The following BCAN variants were observed in gnomAD, a reference collection of about 807,000 sequenced individuals.
BCAN encodes brevican.
Under a neutral mutation model 92.4 loss-of-function variants are expected in BCAN, and 51 were observed. The ratio of observed to expected loss-of-function variants is 0.55; its 90% CI spans 0.44 to 0.70. The LOEUF (loss-of-function observed/expected upper bound fraction) is 0.70. Among genes scored for constraint, BCAN ranks in the 30% least tolerant of loss-of-function variants. The pLI is 0.00. For synonymous variants in BCAN, 501 were observed against 505.2 expected (o/e 0.99, Z 0.11); for missense variants, 1,140 against 1,212.1 (o/e 0.94, Z 0.88).
chr1:156,647,927 G>C lies in BCAN; in HGVS notation c.642-56G>C. 6.2e-7 allele frequency: 1 copy of C among 1,607,060 alleles called. No individual in the cohort carries two copies. The highest frequency in any genetic ancestry group is 8.5e-7 in the Non-Finnish European group (1 of 1,174,034). On this transcript the variant is annotated intron_variant, in intron 4 of 13. Coordinates refer to ENST00000329117, the MANE Select transcript of BCAN (RefSeq NM_021948.5). The surrounding 1 kb of genome is among the most constrained non-coding windows in gnomAD (Gnocchi z 4.8). ...CAGTGGGGTTCAATAGAATCAATAT[G>C]GGCTGGCTCCCTGGTGAAAGCATCT...
At chr1:156,646,778 C>T (rs771812293) in intron 2 of BCAN, 23 bp from the exon 3 acceptor site, 5 of 1,525,992 alleles carry the variant, frequency 3.3e-6, no homozygotes, top group Admixed American at 4.1e-5. Flanking sequence ...CGTTAAGTTC[C>T]AGCCGGCTCC....
At chr1:156,644,694 A>G (rs1281129879) in intron 1 of BCAN, 1 of 152,136 alleles carries the variant, frequency 6.6e-6, no homozygotes, top group Non-Finnish European at 1.5e-5. Flanking sequence ...AAAAGTAGGA[A>G]ATTTCCCATC....
rs139064894 is a variant in BCAN at position 156,652,495 on chromosome 1, G to A, written c.1545G>A (p.Leu515=). The change falls in exon 8 of 14, where the codon CTG becomes CTA. Residue 515 remains leucine, a synonymous_variant. Coordinates refer to ENST00000329117, the MANE Select transcript of BCAN (RefSeq NM_021948.5). ...SLSQAPARAV[L]QPGASPLPDG... Reference sequence around the variant, plus strand: ...CCCAGGCGCCAGCAAGGGCAGTCCTGCAGCCTGGTGCATCACCACTTCCTG... The same window carrying A: ...CCCAGGCGCCAGCAAGGGCAGTCCTACAGCCTGGTGCATCACCACTTCCTG... 4.7e-4 allele frequency: 763 copies of A among 1,608,676 alleles called. 5 individuals carry two copies. The highest frequency in any genetic ancestry group is 4.3e-3 in the South Asian group (390 of 90,246).
rs767727522 is a variant in BCAN, at chr1:156,648,025, G to C, written c.684G>C (p.Met228Ile). The C allele has an allele frequency of 6.2e-7, 1 of 1,614,044 alleles. No homozygotes were observed. Among genetic ancestry groups the C allele is most frequent in the Non-Finnish European group, 8.5e-7 (1 of 1,179,958 alleles). Residue 228 changes from methionine to isoleucine, a missense_variant, in exon 5 of 14, where the codon ATG becomes ATC. Transcript: ENST00000329117. Reference sequence around the variant, plus strand: ...CACGAGAGGCCTGTTACGGAGACATGGATGGCTTCCCCGGGGTCCGGAACT... The same window carrying C: ...CACGAGAGGCCTGTTACGGAGACATCGATGGCTTCCCCGGGGTCCGGAACT... ...QTPREACYGD[M>I]DGFPGVRNYG...
intron 8 of BCAN, among the ~76,000 whole-genome samples, chr1:156,654,788 A>C (rs1292328165): frequency 1.3e-5 from 2 of 152,172 alleles, no homozygotes; most frequent in Non-Finnish European, 2.9e-5. Flanking sequence ...CCTGGTGCTT[A>C]ATGGGTTAAA....
Position 156,658,030 on chromosome 1 carries a change from T to A in BCAN, c.2293-97T>A. Reference sequence around the variant, plus strand: ...CCCCTAGCCCTAACCTTCCCTCTCCTGGGGCCCCGCTCACCAGCCCTCCTC... The same window carrying A: ...CCCCTAGCCCTAACCTTCCCTCTCCAGGGGCCCCGCTCACCAGCCCTCCTC... On this transcript the variant is annotated intron_variant, in intron 11 of 13. Transcript: ENST00000329117. This position sits in a 1 kb window ranked among gnomAD's most constrained non-coding sequence, Gnocchi z 4.4. 6.9e-6 allele frequency: 10 copies of A among 1,452,606 alleles called. No homozygotes were observed. The highest frequency in any genetic ancestry group is 8.5e-6 in the Non-Finnish European group (9 of 1,065,078). 90.0% of individuals were successfully genotyped at this position (1,452,606 alleles called of 1,614,324 possible).
At position 156,658,667 on chromosome 1, in the gene BCAN, GCTGAT is replaced by G; in HGVS notation, c.2564_2568del (p.Leu855ProfsTer153). On this transcript the variant is annotated frameshift_variant, in exon 13 of 14. Coordinates refer to ENST00000329117, the MANE Select transcript of BCAN (RefSeq NM_021948.5). LOFTEE classifies it high-confidence loss of function. This position sits in a 1 kb window ranked among gnomAD's most constrained non-coding sequence, Gnocchi z 4.4. ...AAGGACTGGCCCAGCGCAATCTGCC[GCTGAT>G]CCGATGCCAAGAGAACGGTCGTTGG... is the stretch of plus-strand genomic sequence containing the variant. 1 of 1,614,154 alleles carries G rather than the reference GCTGAT, an allele frequency of 6.2e-7. No individual in the cohort carries two copies.
At chr1:156,643,409 T>C (rs1245648710) in intron 1 of BCAN, 1 of 152,234 alleles carries the variant, frequency 6.6e-6, no homozygotes, top group Non-Finnish European at 1.5e-5. Context: ...TAGGCTCATG[T>C]TGCTCCTCAT....
intron 8 of BCAN, among the ~76,000 whole-genome samples, chr1:156,654,323 C>G (rs563641970): frequency 3.8e-4 from 58 of 152,288 alleles, no homozygotes; most frequent in African/African-American, 1.3e-3. Flanking sequence ...CAGGCTTACC[C>G]ATGTCAACTG....
Position 156,648,824 on chromosome 1 carries a change from C to G in BCAN, c.1026C>G (p.Pro342=), listed in dbSNP as rs565723421. ...LFLFPNQTGF[P]NKHSRFNVYC... ...TCTTCCCCAACCAGACTGGCTTCCC[C>G]AATAAGCACAGCCGCTTCAACGTCT... The change falls in exon 6 of 14, where the codon CCC becomes CCG. Residue 342 remains proline (P), a synonymous_variant. Transcript: ENST00000329117. 6.3e-7 allele frequency: 1 copy of G among 1,585,032 alleles called. No individual in the cohort carries two copies. The highest frequency in any genetic ancestry group is 8.6e-7 in the Non-Finnish European group (1 of 1,157,914).
In BCAN at chr1:156,648,626, C is replaced by G; in HGVS notation, c.828C>G (p.Tyr276Ter). The change falls in exon 6 of 14, where the codon TAC (tyrosine) becomes TAG (stop). Residue 276 changes from tyrosine (Y) to a stop codon, truncating the protein, a stop_gained. Transcript: ENST00000329117. LOFTEE classifies it high-confidence loss of function. Reference protein sequence around the residue: ...EKLTLEEARAYCQERGAEIAT... With the variant: ...EKLTLEEARA ...TGACATTGGAGGAAGCACGGGCGTA[C>G]TGCCAGGAGCGGGGTGCAGAGATTG... 1 of 1,609,406 alleles carries G rather than the reference C, an allele frequency of 6.2e-7. No individual in the cohort carries two copies. Among genetic ancestry groups the G allele is most frequent in the Non-Finnish European group, 8.5e-7 (1 of 1,176,124 alleles).
Position 156,648,556 on chromosome 1 carries a change from T to C in BCAN, c.770-12T>C. 1 of 1,570,984 alleles carries C rather than the reference T, an allele frequency of 6.4e-7. No homozygotes were observed. The highest frequency in any genetic ancestry group is 1.7e-5 in the Admixed American group (1 of 58,130). ...AGCTGCCTGATAACCCAGCCTTCTC[T>C]TCTCCACCCAGGAGAACTGTTCCTG... On this transcript the variant is annotated splice_polypyrimidine_tract_variant and intron_variant, in intron 5 of 13. Coordinates refer to ENST00000329117, the MANE Select transcript of BCAN (RefSeq NM_021948.5).
At chr1:156,657,257 T>G in intron 10 of BCAN, 161 bp downstream of exon 10, 4 of 982,126 alleles carry the variant, frequency 4.1e-6, no homozygotes, top group South Asian at 1.7e-5. Flanking sequence ...TCTCTCTCCC[T>G]TCCCACCCTA....
chr1:156,648,067 G>C lies in BCAN; in HGVS notation c.726G>C (p.Pro242=), dbSNP rs137890862. The C allele has an allele frequency of 1.9e-6, 3 of 1,614,002 alleles. No individual in the cohort carries two copies. Among genetic ancestry groups the C allele is most frequent in the South Asian group, 1.1e-5 (1 of 91,066 alleles). The change falls in exon 5 of 14, where the codon CCG becomes CCC. Residue 242 remains proline, a synonymous_variant. Transcript: ENST00000329117. ...PGVRNYGVVD[P]DDLYDVYCYA... is the part of the protein sequence containing the mutation. ...TCCGGAACTATGGTGTGGTGGACCCGGATGACCTCTATGATGTGTACTGTT... is the reference window on the plus strand; with the variant it reads ...TCCGGAACTATGGTGTGGTGGACCCCGATGACCTCTATGATGTGTACTGTT...
At position 156,646,097 on chromosome 1, in the gene BCAN, G is replaced by A; in HGVS notation, c.43G>A (p.Ala15Thr). The part of the protein sequence containing the change: ...FLPLLAALVL[A>T]QAPAALADVL... ...GCCCCTGCTGGCAGCCCTGGTCCTG[G>A]CCCAGGCTCCTGCAGCTTTAGCAGA... is the stretch of plus-strand genomic sequence containing the variant. Residue 15 changes from alanine (A) to threonine (T), a missense_variant, in exon 2 of 14, where the codon GCC becomes ACC. Ala to Thr is a moderately conservative substitution (Grantham distance 58). This residue lies in a region of BCAN where 286 missense variants were observed against 284.1 expected (regional missense o/e 1.01). Transcript: ENST00000329117. 6.2e-7 allele frequency: 1 copy of A among 1,613,910 alleles called. No individual in the cohort carries two copies. The highest frequency in any genetic ancestry group is 8.5e-7 in the Non-Finnish European group (1 of 1,179,838).
Position 156,658,070 on chromosome 1 carries a change from G to A in BCAN, c.2293-57G>A, listed in dbSNP as rs988499582. 6.3e-7 allele frequency: 1 copy of A among 1,585,010 alleles called. No homozygotes were observed. The highest frequency in any genetic ancestry group is 8.6e-7 in the Non-Finnish European group (1 of 1,161,432). On this transcript the variant is annotated intron_variant, in intron 11 of 13. Transcript: ENST00000329117. The surrounding 1 kb of genome is among the most constrained non-coding windows in gnomAD (Gnocchi z 4.4). ...CAGCCCTCCTCCCCAGATCCTCTAG[G>A]CCCTCTCCCGGTGCTCCTGGTGTAG... is the stretch of plus-strand genomic sequence containing the variant.
rs1431673752 is a variant in BCAN, at chr1:156,652,869, G to A, written c.1919G>A (p.Gly640Glu). 3 of 1,613,764 alleles carry A rather than the reference G, an allele frequency of 1.9e-6. No individual in the cohort carries two copies. Among genetic ancestry groups the A allele is most frequent in the Non-Finnish European group, 2.5e-6 (3 of 1,180,014 alleles). Residue 640 changes from glycine to glutamate, a missense_variant, in exon 8 of 14, where the codon GGA becomes GAA. By Grantham distance (98) the Gly-to-Glu change is moderately conservative (BLOSUM62 -2). Coordinates refer to ENST00000329117, the MANE Select transcript of BCAN (RefSeq NM_021948.5). ...VLPTDSASRG[G>E]VAVVPASGDC... is the part of the protein sequence containing the mutation. ...CCCACTGACAGCGCCAGCCGAGGTGGAGTGGCCGTGGTCCCCGCATCAGGT... is the reference window on the plus strand; with the variant it reads ...CCCACTGACAGCGCCAGCCGAGGTGAAGTGGCCGTGGTCCCCGCATCAGGT...
In BCAN at chr1:156,659,407, T is replaced by C. The variant is rs1679455408; in HGVS notation, c.*273T>C. On this transcript the variant is annotated 3_prime_UTR_variant, in exon 14 of 14. Coordinates refer to ENST00000329117, the MANE Select transcript of BCAN (RefSeq NM_021948.5). Reference sequence around the variant, plus strand: ...TGCCCTCTCCCTGGCAGCCATCTTGTCCCCTCTATTCCTCTAGGGAGCACT... The same window carrying C: ...TGCCCTCTCCCTGGCAGCCATCTTGCCCCCTCTATTCCTCTAGGGAGCACT... 1.1e-5 allele frequency: 5 copies of C among 469,862 alleles called. No individual in the cohort carries two copies. In the East Asian group the frequency reaches 1.9e-4, roughly 18 times the overall value. 29.1% of individuals were successfully genotyped at this position (469,862 alleles called of 1,614,324 possible).
chr1:156,652,876 C>T lies in BCAN; in HGVS notation c.1926C>T (p.Ala642=), dbSNP rs1217518015. ...ACAGCGCCAGCCGAGGTGGAGTGGCCGTGGTCCCCGCATCAGGTAATTCTG... is the reference window on the plus strand; with the variant it reads ...ACAGCGCCAGCCGAGGTGGAGTGGCTGTGGTCCCCGCATCAGGTAATTCTG... ...PTDSASRGGV[A]VVPASGDCVP... Residue 642 remains alanine (A), a synonymous_variant, in exon 8 of 14, where the codon GCC becomes GCT. Transcript: ENST00000329117. 9.3e-6 allele frequency: 15 copies of T among 1,613,546 alleles called. No individual in the cohort carries two copies. The highest frequency in any genetic ancestry group is 1.1e-5 in the Non-Finnish European group (13 of 1,180,018).
Sources: allele counts gnomAD v4.1 joint callset (sites outside exome capture counted in the v4.1 genomes callset), GRCh38; gene constraint gnomAD v4.1.1; regional missense constraint gnomAD v4.1.1; non-coding constraint Gnocchi (gnomAD v3.1); transcripts MANE v1.5; gene names NCBI Gene and HGNC (gene_info 2026-07-23, HGNC 2026-07-21).